FAP: variants seen among roughly 807,000 people sequenced by gnomAD.
FAP encodes the protein fibroblast activation protein alpha.
Under a neutral mutation model 126.5 loss-of-function variants are expected in FAP, and 110 were observed. The ratio of observed to expected loss-of-function variants is 0.87; its 90% CI spans 0.74 to 1.02. The LOEUF is 1.02. Among genes scored for constraint, FAP ranks in the 50% least tolerant of loss-of-function variants. The pLI is 0.00. For synonymous variants in FAP, 334 were observed against 297.3 expected, an observed-to-expected ratio of 1.12 and a Z score of -1.27; for missense variants, 919 against 909.2, an observed-to-expected ratio of 1.01 and a Z score of -0.14.
chr2:162,198,173 A>G, intron 16 of FAP: 1 of 1,287,380 alleles, frequency 7.8e-7, no homozygotes, highest in South Asian at 1.2e-5. Flanking sequence ...TTGATGCATT[A>G]CTTACGATGT....
At chr2:162,174,754 C>T (rs549721435) in intron 22 of FAP, 113 bp downstream of exon 22, 43 of 615,016 alleles carry the variant, frequency 7.0e-5, no homozygotes, top group Non-Finnish European at 1.1e-4. Flanking sequence ...TTATATTTTC[C>T]CCAGTGATGC....
chr2:162,195,530 T>C (rs1033580127), intron 16 of FAP, among the ~76,000 whole-genome samples: 4 of 148,014 alleles, frequency 2.7e-5, no homozygotes, highest in Admixed American at 1.3e-4. Flanking sequence ...TGGGGGGAGG[T>C]AGGGTTGGGG....
chr2:162,242,987 C>A lies in FAP; in HGVS notation c.12G>T (p.Trp4Cys). Residue 4 changes from tryptophan (W) to cysteine (C), a missense_variant, in exon 2 of 26, where the codon TGG becomes TGT. Trp to Cys is a radical substitution (Grantham distance 215). Transcript: ENST00000188790. MKT[W>C]VKIVFGVATS... ...TGGCAACTCCAAATACGATTTTTACCCAAGTCTACATAAAATAAAGAGAAT... is the reference window on the plus strand; with the variant it reads ...TGGCAACTCCAAATACGATTTTTACACAAGTCTACATAAAATAAAGAGAAT... 5 of 1,611,128 alleles carry A rather than the reference C, an allele frequency of 3.1e-6. No homozygotes were observed. The highest frequency in any genetic ancestry group is 4.2e-6 in the Non-Finnish European group (5 of 1,178,204).
At chr2:162,188,880 A>C (rs1274820174) in intron 19 of FAP, among the ~76,000 whole-genome samples, 2 of 152,108 alleles carry the variant, frequency 1.3e-5, no homozygotes, top group African/African-American at 2.4e-5. Context: ...TACAAAGGAA[A>C]TTTAACACAG....
Position 162,189,165 on chromosome 2 carries a change from C to T in FAP, c.1557G>A (p.Trp519Ter). The T allele has an allele frequency of 6.3e-7, 1 of 1,594,878 alleles. No individual in the cohort carries two copies. The highest frequency in any genetic ancestry group is 8.6e-7 in the Non-Finnish European group (1 of 1,169,292). Residue 519 changes from tryptophan (W) to a stop codon, truncating the protein, a stop_gained, in exon 19 of 26, where the codon TGG becomes TGA. Transcript: ENST00000188790. LOFTEE classifies it high-confidence loss of function. ...ATTGAGGAGGAAGAATCATCTTGTACCATAAAGCTTTGAGGAAAAAAAAAG... is the reference window on the plus strand; with the variant it reads ...ATTGAGGAGGAAGAATCATCTTGTATCATAAAGCTTTGAGGAAAAAAAAAG... The part of the protein sequence containing the change: ...KKLEVDEITL[W>*]YKMILPPQFD...
At chr2:162,171,372 G>T in intron 25 of FAP, 1 of 231,376 alleles carries the variant, frequency 4.3e-6, no homozygotes, top group Non-Finnish European at 8.5e-6. Flanking sequence ...TGCCAGAAGT[G>T]ATGCACTGGG....
intron 2 of FAP, among the ~76,000 whole-genome samples, chr2:162,239,639 A>G (rs564985111): frequency 6.6e-6 from 1 of 152,336 alleles, no homozygotes; most frequent in South Asian, 2.1e-4. Context: ...GTAGAAGTAC[A>G]TATTCTCAAC....
chr2:162,172,917 C>T, intron 24 of FAP, 33 bp from the exon 25 acceptor site: 4 of 1,521,778 alleles, frequency 2.6e-6, no homozygotes, highest in Non-Finnish European at 3.6e-6. Context: ...TAAAGTGCTG[C>T]TAAATACCAG....
intron 11 of FAP, among the ~76,000 whole-genome samples, chr2:162,210,843 T>C (rs1289725371): frequency 1.3e-5 from 2 of 152,140 alleles, no homozygotes; most frequent in African/African-American, 4.8e-5. Flanking sequence ...CTCATGGCAG[T>C]GAGAATAGAA....
At chr2:162,241,582 T>A (rs1690348516) in intron 2 of FAP, among the ~76,000 whole-genome samples, 1 of 152,130 alleles carries the variant, frequency 6.6e-6, no homozygotes, top group African/African-American at 2.4e-5. Flanking sequence ...AATTTCAAGG[T>A]TGAGTTTCTT....
At chr2:162,239,206 A>AT (rs552819416) in intron 2 of FAP, among the ~76,000 whole-genome samples, 37 of 148,256 alleles carry the variant, frequency 2.5e-4, no homozygotes, top group East Asian at 2.0e-3. Flanking sequence ...TAATTTTTGT[A>AT]TTTTTTTTTT....
intron 4 of FAP, 65 bp from the exon 5 acceptor site, chr2:162,224,605 T>C (rs1016749381): frequency 5.2e-5 from 52 of 994,864 alleles, no homozygotes; most frequent in Non-Finnish European, 7.7e-5. Context: ...AAATTTGTAG[T>C]TTTAAAAGAA....
At chr2:162,227,497 T>A (rs1689705272) in intron 2 of FAP, among the ~76,000 whole-genome samples, 3 of 152,240 alleles carry the variant, frequency 2.0e-5, no homozygotes, top group African/African-American at 7.2e-5. Context: ...AATATTGCCA[T>A]TCTCCATCTC....
intron 12 of FAP, among the ~76,000 whole-genome samples, chr2:162,204,498 A>C (rs2106251147): frequency 6.6e-6 from 1 of 152,286 alleles, no homozygotes; most frequent in African/African-American, 2.4e-5. Flanking sequence ...ATAGGTGGGG[A>C]GGACACAAAG....
Position 162,219,895 on chromosome 2 carries a change from A to G in FAP, c.444T>C (p.Arg148=). The stretch of plus-strand genomic sequence containing the variant: ...GCGACCAGCATAAATACTGAATTGG[A>G]CGAGGAAGCTCATTTCCTCTTACAA... The part of the protein sequence containing the change: ...GEFVRGNELP[R]PIQYLCWSPV... The change falls in exon 7 of 26, where the codon CGT becomes CGC. Residue 148 remains arginine, a synonymous_variant. Transcript: ENST00000188790. The G allele has an allele frequency of 6.2e-7, 1 of 1,612,934 alleles. No homozygotes were observed. Among genetic ancestry groups the G allele is most frequent in the Middle Eastern group, 1.7e-4 (1 of 6,056 alleles).
rs755309039 is a variant in FAP, at chr2:162,194,686, T to G, written c.1450+15A>C. ...ATTACTTGAGACAAGATAGATAACA[T>G]GCAAGAGAGAGTACCTTGATCAGTG... On this transcript the variant is annotated intron_variant, in intron 17 of 25. Transcript: ENST00000188790. 1 of 1,612,226 alleles carries G rather than the reference T, an allele frequency of 6.2e-7. No individual in the cohort carries two copies. The highest frequency in any genetic ancestry group is 8.5e-7 in the Non-Finnish European group (1 of 1,178,480).
chr2:162,242,286 G>C lies in FAP; in HGVS notation c.91+622C>G, dbSNP rs192770002. Among the ~76,000 whole-genome samples, 187 of 152,134 alleles carry C rather than the reference G, an allele frequency of 1.2e-3. 1 individual carries two copies. Among genetic ancestry groups the C allele is most frequent in the African/African-American group, 4.2e-3 (174 of 41,530 alleles). ...AGCCCATAGTACCTTCCAATTTTTA[G>C]CAAAGTGAGATCAGTGTCAATCTAA... On this transcript the variant is annotated intron_variant, in intron 2 of 25. Coordinates refer to ENST00000188790, the MANE Select transcript of FAP (RefSeq NM_004460.5).
intron 2 of FAP, among the ~76,000 whole-genome samples, chr2:162,232,055 G>A (rs561608933): frequency 2.2e-4 from 34 of 152,154 alleles, no homozygotes; most frequent in Non-Finnish European, 3.8e-4. Flanking sequence ...GTTTGTTTCC[G>A]GAGTGAGCAC....
intron 2 of FAP, among the ~76,000 whole-genome samples, chr2:162,230,020 T>C (rs893647669): frequency 8.5e-5 from 13 of 152,122 alleles, no homozygotes; most frequent in African/African-American, 3.1e-4. Flanking sequence ...CAGGCACAGA[T>C]TGGGCTGGGA....
Sources: gnomAD v4.1 joint callset for allele counts (sites outside exome capture counted in the v4.1 genomes callset) on GRCh38, gnomAD v4.1.1 for gene constraint, MANE v1.5 for transcripts, NCBI Gene and HGNC (gene_info 2026-07-23, HGNC 2026-07-21) for gene names.